The following ZNF608 variants were observed in gnomAD, a reference collection of about 807,000 sequenced individuals.
ZNF608 encodes the protein renal carcinoma antigen NY-REN-36.
A neutral mutation model predicts 109.0 loss-of-function variants in ZNF608; 12 were observed. The ratio of observed to expected loss-of-function variants is 0.11; its 90% confidence interval spans 0.07 to 0.18. The LOEUF is 0.18. Ranked by LOEUF, ZNF608 falls within the 10% of genes least tolerant of loss-of-function variation. ZNF608 has a pLI of 1.00. For missense variants in ZNF608, 1,707 were observed against 1,879.3 expected, an observed-to-expected ratio of 0.91 and a Z score of 1.70; for synonymous variants, 732 against 717.4, an observed-to-expected ratio of 1.02 and a Z score of -0.33.
chr5:124,706,233 T>C (rs960601884), intron 2 of ZNF608, among the ~76,000 whole-genome samples: 2 of 152,158 alleles, frequency 1.3e-5, no homozygotes, highest in Non-Finnish European at 2.9e-5. Flanking sequence ...GTTTGATCGC[T>C]CTGGGGAATC....
intron 3 of ZNF608, among the ~76,000 whole-genome samples, chr5:124,685,276 C>A (rs1752362832): frequency 6.6e-6 from 1 of 151,826 alleles, no homozygotes; most frequent in African/African-American, 2.4e-5. Context: ...TACCAACTGG[C>A]CTGGCACTCT....
chr5:124,708,803 C>T, intron 2 of ZNF608: 1 of 455,506 alleles, frequency 2.2e-6, no homozygotes, highest in South Asian at 1.6e-5. Context: ...AGGGCTCTGG[C>T]CCCAAGGCCA....
At chr5:124,692,029 C>T (rs1391509900) in intron 3 of ZNF608, among the ~76,000 whole-genome samples, 1 of 152,048 alleles carries the variant, frequency 6.6e-6, no homozygotes, top group East Asian at 1.9e-4. Flanking sequence ...CCTAAAATGG[C>T]ATGTATTCCT....
rs747949988 is a variant in ZNF608 at position 124,708,775 on chromosome 5, T to G, written c.907-7506A>C. The G allele has an allele frequency of 8.8e-6, 4 of 456,254 alleles. No individual in the cohort carries two copies. The Admixed American group carries it at 9.4e-5, about 11-fold the overall frequency. The allele number at this position is 456,254 out of a possible 1,614,324, so 28.3% of individuals were successfully genotyped here. A position where few individuals can be genotyped will look rare whatever the true frequency, so the allele number is the denominator to read the frequency against. On this transcript the variant is annotated intron_variant, in intron 2 of 9. Coordinates refer to ENST00000513986, the MANE Select transcript of ZNF608 (RefSeq NM_020747.3). ...GGCTTAGCAGCTGATCTGGTAGGAC[T>G]TGGCCTGGGGATGGACCAGGGCTCT...
chr5:124,709,280 C>T (rs1216680324), intron 2 of ZNF608, among the ~76,000 whole-genome samples: 2 of 151,382 alleles, frequency 1.3e-5, no homozygotes, highest in African/African-American at 4.9e-5. Context: ...AGAAGGATCC[C>T]TATATGCAGG....
intron 2 of ZNF608, among the ~76,000 whole-genome samples, chr5:124,717,263 C>T (rs914834684): frequency 6.6e-6 from 1 of 151,796 alleles, no homozygotes; most frequent in African/African-American, 2.4e-5. Context: ...GTCGGGAGTT[C>T]GAGACCCACC....
chr5:124,661,910 T>A (rs983408045), intron 3 of ZNF608, among the ~76,000 whole-genome samples: 1 of 152,204 alleles, frequency 6.6e-6, no homozygotes, highest in Non-Finnish European at 1.5e-5. Flanking sequence ...CTAACATTTC[T>A]CTCCATGTTG....
chr5:124,651,207 T>C (rs1288917779), intron 3 of ZNF608, among the ~76,000 whole-genome samples: 2 of 152,106 alleles, frequency 1.3e-5, no homozygotes, highest in African/African-American at 4.8e-5. Context: ...CCATTGTGTA[T>C]AAAATTTCCT....
At chr5:124,723,466 TCAC>T (rs984148474) in intron 2 of ZNF608, among the ~76,000 whole-genome samples, 9 of 152,218 alleles carry the variant, frequency 5.9e-5, no homozygotes, top group Admixed American at 3.3e-4. Context: ...GGTGGGTGGA[TCAC>T]CTGAGGCCAG....
Position 124,649,777 on chromosome 5 carries a change from CT to C in ZNF608, c.1163-81del, listed in dbSNP as rs544042449. On this transcript the variant is annotated intron_variant, in intron 3 of 9. Transcript: ENST00000513986. ...TCCAGTTCACTTATTATTTTTTTCT[CT>C]TTTTTTTGCCAGCAAGTTCTATTCT... is the stretch of plus-strand genomic sequence containing the variant. 4.7e-4 allele frequency: 414 copies of C among 876,606 alleles called. No homozygotes were observed. The East Asian group carries it at 6.1e-3, about 13-fold the overall frequency. 54.3% of individuals were successfully genotyped at this position (876,606 alleles called of 1,614,324 possible).
chr5:124,638,272 T>G (rs1300220123), intron 9 of ZNF608, among the ~76,000 whole-genome samples: 1 of 151,536 alleles, frequency 6.6e-6, no homozygotes, highest in Non-Finnish European at 1.5e-5. Context: ...TTTTTTTAGT[T>G]TTGAGACAGA....
At chr5:124,740,509 T>C (rs796414261) in intron 2 of ZNF608, among the ~76,000 whole-genome samples, 5 of 60,754 alleles carry the variant, frequency 8.2e-5, no homozygotes, top group Admixed American at 2.2e-4. Context: ...GACACTATAT[T>C]TGAAAAAAAA....
At chr5:124,735,117 A>G (rs930674426) in intron 2 of ZNF608, 1 of 152,238 alleles carries the variant, frequency 6.6e-6, no homozygotes, top group African/African-American at 2.4e-5. Flanking sequence ...AAGGGCTCAA[A>G]AAATAAATAT....
intron 3 of ZNF608, among the ~76,000 whole-genome samples, chr5:124,668,536 A>C (rs1450363107): frequency 6.6e-6 from 1 of 152,156 alleles, no homozygotes; most frequent in African/African-American, 2.4e-5. Flanking sequence ...TAATTGGAAC[A>C]GAGCCAAAAA....
chr5:124,649,322 A>G (rs375519929), intron 4 of ZNF608, among the ~76,000 whole-genome samples, 189 bp from the exon 5 acceptor site: 105 of 152,326 alleles, frequency 6.9e-4, no homozygotes, highest in African/African-American at 2.3e-3. Flanking sequence ...ATTCTTCCTC[A>G]GAAAAACCAA....
At chr5:124,682,461 G>A (rs541571811) in intron 3 of ZNF608, among the ~76,000 whole-genome samples, 1 of 152,330 alleles carries the variant, frequency 6.6e-6, no homozygotes, top group South Asian at 2.1e-4. Context: ...AGGAAATAGT[G>A]TATCCAACAT....
chr5:124,668,617 C>T (rs916086536), intron 3 of ZNF608, among the ~76,000 whole-genome samples: 1 of 152,132 alleles, frequency 6.6e-6, no homozygotes, highest in Non-Finnish European at 1.5e-5. Flanking sequence ...ACACAGCAGC[C>T]TCTGGGGTAG....
intron 3 of ZNF608, among the ~76,000 whole-genome samples, chr5:124,650,089 C>G (rs1220166800): frequency 6.6e-6 from 1 of 152,232 alleles, no homozygotes; most frequent in Non-Finnish European, 1.5e-5. Context: ...CGCCAGTTAC[C>G]AGTGCTTAAA....
chr5:124,648,064 T>G lies in ZNF608; in HGVS notation c.2320A>C (p.Thr774Pro). The G allele has an allele frequency of 6.2e-7, 1 of 1,613,924 alleles. No homozygotes were observed. The highest frequency in any genetic ancestry group is 1.1e-5 in the South Asian group (1 of 91,064). ...CTCTTTGGTGTAGCCTGAACAACAG[T>G]TGTTGTGAGGGAGGGCAGTCCGGGT... The part of the protein sequence containing the change: ...TIPGLPSLTT[T>P]VVQATPKSPP... The change falls in exon 5 of 10, where the codon ACT becomes CCT. Residue 774 changes from threonine to proline, a missense_variant. Coordinates refer to ENST00000513986, the MANE Select transcript of ZNF608 (RefSeq NM_020747.3).
Sources: gnomAD v4.1 joint callset for allele counts (sites outside exome capture counted in the v4.1 genomes callset) on GRCh38, gnomAD v4.1.1 for gene constraint, MANE v1.5 for transcripts, NCBI Gene and HGNC (gene_info 2026-07-23, HGNC 2026-07-21) for gene names.